PALM2AKAP2: variants seen among roughly 807,000 people sequenced by gnomAD.
PALM2AKAP2 encodes the protein PALM2 and AKAP2 fusion, also known as PALM2-AKAP2 fusion protein.
PALM2AKAP2 carries 37 observed loss-of-function variants against 71.5 expected under a neutral mutation model. That is an observed-to-expected ratio of 0.52 (90% CI 0.40 to 0.68). PALM2AKAP2 has a LOEUF of 0.68. Among genes scored for constraint, PALM2AKAP2 ranks in the 30% least tolerant of loss-of-function variants. The pLI is 0.00. For synonymous variants in PALM2AKAP2, 468 were observed against 478.8 expected, an observed-to-expected ratio of 0.98 and a Z score of 0.29; for missense variants, 1,224 against 1,191.8, an observed-to-expected ratio of 1.03 and a Z score of -0.40.
chr9:109,920,449 G>C (rs1295725311), intron 3 of PALM2AKAP2, among the ~76,000 whole-genome samples: 1 of 150,330 alleles, frequency 6.7e-6, no homozygotes, highest in Non-Finnish European at 1.5e-5. Context: ...TGGGCTCGCT[G>C]CAGCCTTGCA....
At chr9:109,949,457 A>G (rs371116032) in intron 6 of PALM2AKAP2, among the ~76,000 whole-genome samples, 5 of 152,238 alleles carry the variant, frequency 3.3e-5, no homozygotes, top group African/African-American at 9.6e-5. Context: ...TAGAAATGGA[A>G]TATTTTACAG....
intron 1 of PALM2AKAP2, among the ~76,000 whole-genome samples, chr9:109,687,986 G>A (rs1329547854): frequency 6.6e-6 from 1 of 152,214 alleles, no homozygotes; most frequent in Admixed American, 6.5e-5. Context: ...TGGTTGATCA[G>A]TGGAGCAATC....
intron 1 of PALM2AKAP2, among the ~76,000 whole-genome samples, chr9:109,846,051 G>A (rs1828843814): frequency 6.6e-6 from 1 of 152,202 alleles, no homozygotes; most frequent in African/African-American, 2.4e-5. Flanking sequence ...GGGCCATGTG[G>A]GGGGCAGTGT....
At chr9:110,026,972 G>C (rs1833192234) in intron 7 of PALM2AKAP2, among the ~76,000 whole-genome samples, 1 of 152,140 alleles carries the variant, frequency 6.6e-6, no homozygotes, top group African/African-American at 2.4e-5. Context: ...GAACCCAGGA[G>C]GTAGAGGTTG....
At chr9:109,790,118 A>G (rs547281969) in intron 1 of PALM2AKAP2, among the ~76,000 whole-genome samples, 1 of 152,306 alleles carries the variant, frequency 6.6e-6, no homozygotes, top group South Asian at 2.1e-4. Context: ...CCAAGATAAA[A>G]GCCCCAGCTG....
In PALM2AKAP2 at chr9:109,685,489, T is replaced by G. The variant is rs188100315; in HGVS notation, c.5+44623T>G. On this transcript the variant is annotated intron_variant, in intron 1 of 6. Transcript: ENST00000374531. ...GTGCATGTAAAATTTATGTTTACAC[T>G]ATACTATACTAAAGTAGTTATAGTA... 1.2e-3 allele frequency among the ~76,000 whole-genome samples: 179 copies of G among 152,292 alleles called. 1 individual carries two copies. Among genetic ancestry groups the G allele is most frequent in the African/African-American group, 4.0e-3 (168 of 41,564 alleles).
At chr9:109,933,279 A>G (rs1387032883) in intron 6 of PALM2AKAP2, among the ~76,000 whole-genome samples, 2 of 152,236 alleles carry the variant, frequency 1.3e-5, no homozygotes, top group African/African-American at 2.4e-5. Context: ...TAAGTACTCC[A>G]GGGTACACTT....
chr9:109,919,735 ATGTGTGTGTG>A (rs1163749906), intron 3 of PALM2AKAP2, among the ~76,000 whole-genome samples: 1 of 142,964 alleles, frequency 7.0e-6, no homozygotes, highest in African/African-American at 2.6e-5. Context: ...GTGTATACAT[ATGTGTGTGTG>A]TGTGTGTGTG....
chr9:110,157,126 G>A (rs1371212566), intron 3 of PALM2AKAP2, among the ~76,000 whole-genome samples: 1 of 152,184 alleles, frequency 6.6e-6, no homozygotes, highest in African/African-American at 2.4e-5. Context: ...CATGCTCTGT[G>A]GTTTCTTTCT....
chr9:109,786,017 A>C (rs920792551), intron 1 of PALM2AKAP2, among the ~76,000 whole-genome samples: 1 of 152,176 alleles, frequency 6.6e-6, no homozygotes, highest in Non-Finnish European at 1.5e-5. Flanking sequence ...TATGGCTTTC[A>C]TCTGATTCTA....
At chr9:110,016,292 AAC>A (rs746265844) in intron 7 of PALM2AKAP2, among the ~76,000 whole-genome samples, 1 of 152,132 alleles carries the variant, frequency 6.6e-6, no homozygotes, top group Non-Finnish European at 1.5e-5. Context: ...ACTGCTTGAA[AAC>A]CAGAATCTAA....
intron 1 of PALM2AKAP2, among the ~76,000 whole-genome samples, chr9:110,091,506 A>G (rs1309929128): frequency 8.6e-6 from 1 of 116,600 alleles, no homozygotes; most frequent in African/African-American, 3.4e-5. Flanking sequence ...TCTGTCGCCC[A>G]GGCTGGGGTG....
chr9:110,079,994 G>A (rs1490131363), intron 1 of PALM2AKAP2, among the ~76,000 whole-genome samples: 5 of 146,852 alleles, frequency 3.4e-5, no homozygotes, highest in East Asian at 4.0e-4. Flanking sequence ...CACTTGAACC[G>A]GGGAGGTGGA....
intron 6 of PALM2AKAP2, among the ~76,000 whole-genome samples, chr9:109,998,640 G>A (rs1172590384): frequency 6.6e-6 from 1 of 151,218 alleles, no homozygotes; most frequent in Non-Finnish European, 1.5e-5. Context: ...GGAGTGGGGA[G>A]CCTGTAGTCT....
intron 2 of PALM2AKAP2, among the ~76,000 whole-genome samples, chr9:109,867,958 C>T (rs1190002456): frequency 9.2e-5 from 14 of 152,192 alleles, no homozygotes; most frequent in Admixed American, 3.9e-4. Flanking sequence ...TTTCACGGAA[C>T]GTTCTTTTTA....
chr9:110,024,667 C>T (rs1325788512), intron 7 of PALM2AKAP2, among the ~76,000 whole-genome samples: 4 of 151,626 alleles, frequency 2.6e-5, no homozygotes, highest in Non-Finnish European at 5.9e-5. Flanking sequence ...ATCTGTAGTC[C>T]CAGCTACATG....
At chr9:109,964,847 A>G (rs1831917257) in intron 6 of PALM2AKAP2, among the ~76,000 whole-genome samples, 1 of 152,224 alleles carries the variant, frequency 6.6e-6, no homozygotes, top group Non-Finnish European at 1.5e-5. Context: ...TTTCAAGTCA[A>G]GGATATGTTC....
chr9:110,025,734 T>C (rs1833168386), intron 7 of PALM2AKAP2, among the ~76,000 whole-genome samples: 1 of 152,230 alleles, frequency 6.6e-6, no homozygotes, highest in Non-Finnish European at 1.5e-5. Flanking sequence ...ACCATCCTAG[T>C]GGGTGTGGAG....
intron 1 of PALM2AKAP2, among the ~76,000 whole-genome samples, chr9:109,683,163 C>T (rs1827761335): frequency 6.6e-6 from 1 of 152,150 alleles, no homozygotes; most frequent in Admixed American, 6.5e-5. Flanking sequence ...TTTCCTGAGG[C>T]CTCCCCAGAA....
Sources: allele counts gnomAD v4.1 joint callset (sites outside exome capture counted in the v4.1 genomes callset), GRCh38; gene constraint gnomAD v4.1.1; transcripts MANE v1.5; gene names NCBI Gene and HGNC (gene_info 2026-07-23, HGNC 2026-07-21).